Variants in SULF2 observed in about 807,000 individuals in gnomAD.
SULF2 encodes sulfatase 2.
In SULF2, 52 loss-of-function variants were observed where a neutral mutation model predicts 107.7. That is an observed-to-expected ratio of 0.48 (90% CI 0.39 to 0.61). The LOEUF is 0.61. SULF2 is among the 20% of genes least tolerant of loss of function. The pLI, the probability that SULF2 is intolerant of heterozygous loss-of-function variation, is 0.00. For missense variants in SULF2, 993 were observed against 1,177.3 expected, an observed-to-expected ratio of 0.84 and a Z score of 2.29; for synonymous variants, 460 against 464.3, an observed-to-expected ratio of 0.99 and a Z score of 0.12.
At chr20:47,784,237 T>C (rs551068693) in intron 1 of SULF2, among the ~76,000 whole-genome samples, 1 of 151,594 alleles carries the variant, frequency 6.6e-6, no homozygotes, top group East Asian at 1.9e-4. Context: ...AGGGCGGGTG[T>C]CCCAACACGC....
At chr20:47,763,313 G>A (rs975974567) in intron 1 of SULF2, among the ~76,000 whole-genome samples, 5 of 137,108 alleles carry the variant, frequency 3.6e-5, no homozygotes, top group Non-Finnish European at 1.5e-5. Context: ...TTTCTCTGCC[G>A]ATCTGCCAAG....
intron 14 of SULF2, 93 bp downstream of exon 14, chr20:47,665,105 TA>T: frequency 1.2e-6 from 1 of 840,752 alleles, no homozygotes; most frequent in Non-Finnish European, 2.0e-6. Context: ...AAGATAAAAA[TA>T]AAAAATGAAA....
intron 8 of SULF2, among the ~76,000 whole-genome samples, chr20:47,677,527 A>G (rs2087690268): frequency 6.6e-6 from 1 of 152,062 alleles, no homozygotes; most frequent in Non-Finnish European, 1.5e-5. Flanking sequence ...GCAGTGGTTC[A>G]GCATCAGGCG....
At chr20:47,679,285 C>T (rs952663766) in intron 7 of SULF2, among the ~76,000 whole-genome samples, 4 of 152,130 alleles carry the variant, frequency 2.6e-5, no homozygotes, top group African/African-American at 9.7e-5. Flanking sequence ...CACCGTCCCT[C>T]ACCCCTTTAG....
intron 2 of SULF2, among the ~76,000 whole-genome samples, chr20:47,745,397 AAAAAAAAAAAAAAATATATATATATAT>A (rs2089992584): frequency 8.9e-5 from 3 of 33,852 alleles, no homozygotes; most frequent in African/African-American, 5.2e-4. Flanking sequence ...AAAAAAAAAA[AAAAAAAAAAAAAAATATATATATATAT>A]ATATATATAT....
intron 15 of SULF2, 94 bp downstream of exon 15, chr20:47,664,036 T>C: frequency 7.3e-7 from 1 of 1,365,666 alleles, no homozygotes; most frequent in Non-Finnish European, 1.0e-6. Context: ...GGGCCTGGAC[T>C]TCTTTCCTTT....
Position 47,667,165 on chromosome 20 carries a change from G to C in SULF2, c.1577-677C>G, listed in dbSNP as rs149285821. On this transcript the variant is annotated intron_variant, in intron 11 of 20. Coordinates refer to ENST00000688720, the MANE Select transcript of SULF2 (RefSeq NM_001387048.1). ...TCACCTCAATTAAAAAGGAAAAAAA[G>C]TATCATGGATGTAAAAATGTTGATT... Among the ~76,000 whole-genome samples the C allele has an allele frequency of 3.9e-5, 6 of 152,328 alleles. 1 individual carries two copies. The East Asian group carries it at 1.2e-3, about 29-fold the overall frequency.
intron 10 of SULF2, among the ~76,000 whole-genome samples, chr20:47,674,945 G>C (rs1292712939): frequency 1.3e-5 from 2 of 152,214 alleles, no homozygotes; most frequent in East Asian, 3.9e-4. Flanking sequence ...GGGGCCGTGG[G>C]TTGCTGCCTC....
At chr20:47,755,613 C>T (rs549214434) in intron 2 of SULF2, among the ~76,000 whole-genome samples, 3 of 152,138 alleles carry the variant, frequency 2.0e-5, no homozygotes, top group East Asian at 1.9e-4. Flanking sequence ...TCTCAGCACC[C>T]GGGTCTGAGC....
At chr20:47,740,525 G>A (rs2089852772) in intron 2 of SULF2, among the ~76,000 whole-genome samples, 1 of 152,140 alleles carries the variant, frequency 6.6e-6, no homozygotes, top group African/African-American at 2.4e-5. Context: ...GGTGTGAAAG[G>A]CCACTGGGAG....
At chr20:47,695,094 C>G (rs1020682540) in intron 4 of SULF2, among the ~76,000 whole-genome samples, 1 of 152,340 alleles carries the variant, frequency 6.6e-6, no homozygotes, top group Non-Finnish European at 1.5e-5. Flanking sequence ...AAGGGCCAGA[C>G]AGTAAATATT....
intron 5 of SULF2, among the ~76,000 whole-genome samples, chr20:47,687,190 GC>G (rs748726037): frequency 1.5e-4 from 23 of 152,178 alleles, no homozygotes; most frequent in Non-Finnish European, 2.6e-4. Flanking sequence ...GATTTCTGCA[GC>G]CCCGGCTCGG....
intron 2 of SULF2, among the ~76,000 whole-genome samples, chr20:47,737,770 T>TG (rs1270171457): frequency 1.2e-4 from 17 of 138,702 alleles, no homozygotes; most frequent in African/African-American, 4.6e-4. Flanking sequence ...TTTTTTTTTT[T>TG]TTTTTTTTTT....
intron 2 of SULF2, among the ~76,000 whole-genome samples, chr20:47,752,873 G>A (rs974085553): frequency 5.3e-5 from 8 of 152,048 alleles, no homozygotes; most frequent in Non-Finnish European, 8.8e-5. Context: ...AGGCCGAGGC[G>A]GCGGACTGCT....
intron 18 of SULF2, chr20:47,661,484 C>A: frequency 4.0e-6 from 1 of 249,916 alleles, no homozygotes. Flanking sequence ...TGTAAGTTCT[C>A]AGGAAGTGTT....
chr20:47,724,042 G>C (rs1372205000), intron 3 of SULF2, among the ~76,000 whole-genome samples: 1 of 152,146 alleles, frequency 6.6e-6, no homozygotes, highest in Non-Finnish European at 1.5e-5. Flanking sequence ...GAACAAAGAG[G>C]CTAGGCAGCC....
chr20:47,673,969 G>A (rs2087559206), intron 10 of SULF2, among the ~76,000 whole-genome samples: 2 of 152,178 alleles, frequency 1.3e-5, no homozygotes, highest in South Asian at 4.1e-4. Context: ...CCTGCTCCCC[G>A]CTCCAACCCA....
intron 3 of SULF2, among the ~76,000 whole-genome samples, chr20:47,710,739 C>A (rs1600541332): frequency 6.6e-6 from 1 of 152,168 alleles, no homozygotes; most frequent in African/African-American, 2.4e-5. Flanking sequence ...CCCCCTGCCC[C>A]CTTGGAGAGG....
chr20:47,723,066 C>CA (rs972410360), intron 3 of SULF2, among the ~76,000 whole-genome samples: 26 of 148,530 alleles, frequency 1.8e-4, no homozygotes, highest in East Asian at 6.0e-4. Context: ...GACTCCGTCT[C>CA]AAAAAAAAAC....
Sources: gnomAD v4.1 joint callset for allele counts (sites outside exome capture counted in the v4.1 genomes callset) on GRCh38, gnomAD v4.1.1 for gene constraint, MANE v1.5 for transcripts, NCBI Gene and HGNC (gene_info 2026-07-23, HGNC 2026-07-21) for gene names.